Variants in PDE4B observed in about 807,000 individuals in gnomAD.
The protein encoded by PDE4B is 3',5'-cyclic-AMP phosphodiesterase 4B.
In PDE4B, 20 loss-of-function variants were observed where a neutral mutation model predicts 82.2. The observed-to-expected ratio is 0.24, with a 90% CI of 0.17 to 0.35. The LOEUF (loss-of-function observed/expected upper bound fraction) is 0.35, where lower values mean the gene tolerates loss of function less well. Among genes scored for constraint, PDE4B ranks in the 10% least tolerant of loss-of-function variants. The pLI is 1.00. For synonymous variants in PDE4B, 320 were observed against 318.9 expected (o/e 1.00, Z -0.04); for missense variants, 655 against 907.2 (o/e 0.72, Z 3.57).
intron 3 of PDE4B, among the ~76,000 whole-genome samples, chr1:66,110,391 C>T (rs1222645432): frequency 6.6e-6 from 1 of 151,864 alleles, no homozygotes; most frequent in Non-Finnish European, 1.5e-5. Flanking sequence ...TTGCAGGTGT[C>T]CATCCTTGAA....
intron 3 of PDE4B, among the ~76,000 whole-genome samples, chr1:66,133,311 A>T (rs1483599916): frequency 6.6e-6 from 1 of 152,220 alleles, no homozygotes; most frequent in Non-Finnish European, 1.5e-5. Context: ...GGGTATCACC[A>T]TCAAACAAGT....
chr1:65,810,045 A>T (rs1645801863), intron 1 of PDE4B, among the ~76,000 whole-genome samples: 1 of 152,278 alleles, frequency 6.6e-6, no homozygotes, highest in Admixed American at 6.5e-5. Context: ...GATAAGCCAC[A>T]GTGACATTCC....
intron 1 of PDE4B, among the ~76,000 whole-genome samples, chr1:65,813,801 T>C (rs1645846372): frequency 6.6e-6 from 1 of 151,106 alleles, no homozygotes; most frequent in South Asian, 2.1e-4. Context: ...GAGAAGAAAT[T>C]GGTTTGTGAA....
intron 3 of PDE4B, among the ~76,000 whole-genome samples, chr1:65,996,780 CTT>C (rs1017835783): frequency 4.6e-5 from 7 of 152,074 alleles, no homozygotes; most frequent in African/African-American, 1.7e-4. Flanking sequence ...ATACCATACT[CTT>C]TGTTAGACGA....
intron 3 of PDE4B, among the ~76,000 whole-genome samples, chr1:65,939,421 A>G (rs1205032518): frequency 6.6e-6 from 1 of 152,118 alleles, no homozygotes; most frequent in Non-Finnish European, 1.5e-5. Flanking sequence ...CACAGGCCTG[A>G]TAGAACAGCA....
intron 1 of PDE4B, among the ~76,000 whole-genome samples, chr1:65,892,874 T>C (rs1333397002): frequency 3.3e-5 from 5 of 152,122 alleles, no homozygotes. Flanking sequence ...ATTTGCTACT[T>C]CCATTTTATT....
chr1:66,044,622 A>ATTAGTGTAATTAAAACTCAGATG (rs1553137203), intron 3 of PDE4B, among the ~76,000 whole-genome samples: 1 of 151,770 alleles, frequency 6.6e-6, no homozygotes, highest in Non-Finnish European at 1.5e-5. Context: ...ATTTGAGAAA[A>ATTAGTGTAATTAAAACTCAGATG]TTAGTGTAAT....
chr1:65,847,428 A>G (rs756139222), intron 1 of PDE4B, among the ~76,000 whole-genome samples: 14 of 152,224 alleles, frequency 9.2e-5, no homozygotes, highest in South Asian at 2.1e-4. Flanking sequence ...CAGGATTGAC[A>G]TTGTGTTATA....
chr1:65,868,164 A>G (rs148547620), intron 1 of PDE4B, among the ~76,000 whole-genome samples: 8 of 152,280 alleles, frequency 5.3e-5, no homozygotes, highest in African/African-American at 1.9e-4. Flanking sequence ...ATGGCTCCCT[A>G]TGCTCTCTCT....
chr1:65,899,223 A>G lies in PDE4B; in HGVS notation c.-70-14022A>G, dbSNP rs138040128. Among the ~76,000 whole-genome samples, 1,058 of 152,224 alleles carry G rather than the reference A, an allele frequency of 7.0e-3. 13 individuals are homozygous for G. Among genetic ancestry groups the G allele is most frequent in the African/African-American group, 0.023 (966 of 41,546 alleles). On this transcript the variant is annotated intron_variant, in intron 1 of 16. Transcript: ENST00000341517. ...CAACAAACATGTGAAAAAATGCTCAACATCACTATTGATCAGGAAAATGCA... is the reference window on the plus strand; with the variant it reads ...CAACAAACATGTGAAAAAATGCTCAGCATCACTATTGATCAGGAAAATGCA...
chr1:65,927,796 C>A (rs927340442), intron 3 of PDE4B, among the ~76,000 whole-genome samples: 2 of 152,094 alleles, frequency 1.3e-5, no homozygotes, highest in African/African-American at 4.8e-5. Context: ...GCCTTTCTCA[C>A]CGTAACAGCC....
At chr1:66,330,711 T>C in intron 7 of PDE4B, 4 of 938,454 alleles carry the variant, frequency 4.3e-6, no homozygotes, top group Non-Finnish European at 5.1e-6. Flanking sequence ...AAAGGCTTCC[T>C]TGGAAGAAGT....
At chr1:65,924,595 A>G (rs1647401826) in intron 3 of PDE4B, among the ~76,000 whole-genome samples, 1 of 152,170 alleles carries the variant, frequency 6.6e-6, no homozygotes, top group South Asian at 2.1e-4. Context: ...AGTTTCTATG[A>G]ATCAGGAATC....
rs1653304156 is a variant in PDE4B, at chr1:66,246,286, G to C, written c.282-1174G>C. 2.0e-5 allele frequency among the ~76,000 whole-genome samples: 3 copies of C among 152,216 alleles called. No individual in the cohort carries two copies. In the South Asian group the frequency reaches 6.2e-4, roughly 32 times the overall value. ...AATGTATTGGGAAGCACTTTGTAAA[G>C]TGAAGAAATATAAGCAAAATCCACC... On this transcript the variant is annotated intron_variant, in intron 3 of 16. Transcript: ENST00000341517.
chr1:65,955,102 A>C (rs1013565926), intron 3 of PDE4B, among the ~76,000 whole-genome samples: 1 of 152,138 alleles, frequency 6.6e-6, no homozygotes, highest in Admixed American at 6.6e-5. Context: ...GTGTGTTATT[A>C]TACAAGAATC....
intron 3 of PDE4B, among the ~76,000 whole-genome samples, chr1:66,236,814 C>T (rs1652497221): frequency 3.9e-5 from 6 of 152,160 alleles, no homozygotes; most frequent in South Asian, 4.1e-4. Flanking sequence ...CAGTTGTTTA[C>T]ACGTGTGAGT....
chr1:65,953,435 A>G lies in PDE4B; in HGVS notation c.281+34600A>G, dbSNP rs555076658. 4.6e-4 allele frequency among the ~76,000 whole-genome samples: 70 copies of G among 152,188 alleles called. 1 individual carries two copies. Among genetic ancestry groups the G allele is most frequent in the African/African-American group, 1.6e-3 (68 of 41,532 alleles). ...CTAGATAATCTAGTCCGATGAAATC[A>G]CAAGGGTCTTTATAAGAAGGAGGCA... On this transcript the variant is annotated intron_variant, in intron 3 of 16. Coordinates refer to ENST00000341517, the MANE Select transcript of PDE4B (RefSeq NM_002600.4).
At chr1:66,146,764 T>A (rs376513498) in intron 3 of PDE4B, among the ~76,000 whole-genome samples, 20 of 152,330 alleles carry the variant, frequency 1.3e-4, no homozygotes, top group East Asian at 9.6e-4. Flanking sequence ...TTCATGTAAA[T>A]TTTGCTTCTA....
At chr1:66,202,962 G>A (rs1227486222) in intron 3 of PDE4B, among the ~76,000 whole-genome samples, 1 of 151,892 alleles carries the variant, frequency 6.6e-6, no homozygotes, top group Non-Finnish European at 1.5e-5. Context: ...TTATAATTTG[G>A]CATGTTTTTG....
Sources: allele counts gnomAD v4.1 joint callset (sites outside exome capture counted in the v4.1 genomes callset), GRCh38; gene constraint gnomAD v4.1.1; transcripts MANE v1.5; gene names NCBI Gene and HGNC (gene_info 2026-07-23, HGNC 2026-07-21).